Variants in ZBED4 observed in about 807,000 individuals in gnomAD.
The protein encoded by ZBED4 is zinc finger BED-type containing 4.
A neutral mutation model predicts 15.5 loss-of-function variants in ZBED4; 4 were observed. The observed-to-expected ratio is 0.26, with a 90% CI of 0.13 to 0.59. ZBED4 has a LOEUF of 0.59. ZBED4 is among the 20% of genes least tolerant of loss of function. The probability of loss-of-function intolerance (pLI) is 0.90; values close to 1 mark genes in which losing one functional copy is unlikely to be tolerated. For synonymous variants in ZBED4, 692 were observed against 608.5 expected, an observed-to-expected ratio of 1.14 and a Z score of -2.02; for missense variants, 1,323 against 1,461.8, an observed-to-expected ratio of 0.91 and a Z score of 1.55.
At chr22:49,855,004 T>A (rs1462908996) in intron 1 of ZBED4, among the ~76,000 whole-genome samples, 1 of 152,140 alleles carries the variant, frequency 6.6e-6, no homozygotes, top group Non-Finnish European at 1.5e-5. Context: ...GATTTTTTTT[T>A]AAGTGCTATG....
chr22:49,867,581 C>G (rs1276218596), intron 1 of ZBED4, among the ~76,000 whole-genome samples: 2 of 152,208 alleles, frequency 1.3e-5, no homozygotes, highest in African/African-American at 4.8e-5. Flanking sequence ...CCTGACCCTC[C>G]TCTGCTTTGC....
intron 1 of ZBED4, among the ~76,000 whole-genome samples, chr22:49,877,705 A>G (rs1417706450): frequency 6.6e-6 from 1 of 152,170 alleles, no homozygotes; most frequent in Admixed American, 6.5e-5. Context: ...AGCTGCTGTG[A>G]ACATTTGCAT....
chr22:49,883,386 C>G lies in ZBED4; in HGVS notation c.-277C>G. On this transcript the variant is annotated 5_prime_UTR_variant, in exon 2 of 2. Transcript: ENST00000216268. ...CTCAAGATGATCAGGCAGATCCTGTCCTCAGGACCAGAAGCACGTCTCTGC... is the reference window on the plus strand; with the variant it reads ...CTCAAGATGATCAGGCAGATCCTGTGCTCAGGACCAGAAGCACGTCTCTGC... 1 of 304,816 alleles carries G rather than the reference C, an allele frequency of 3.3e-6. No individual in the cohort carries two copies. Among genetic ancestry groups the G allele is most frequent in the Non-Finnish European group, 6.0e-6 (1 of 165,472 alleles). 18.9% of individuals were successfully genotyped at this position (304,816 alleles called of 1,614,324 possible).
chr22:49,854,544 C>T (rs1288359741), intron 1 of ZBED4, among the ~76,000 whole-genome samples: 1 of 152,240 alleles, frequency 6.6e-6, no homozygotes, highest in African/African-American at 2.4e-5. Flanking sequence ...ATGTAACTTG[C>T]CTTGCGAACC....
intron 1 of ZBED4, among the ~76,000 whole-genome samples, chr22:49,871,995 C>T (rs770847718): frequency 1.8e-4 from 28 of 152,076 alleles, no homozygotes; most frequent in African/African-American, 5.8e-4. Flanking sequence ...CCGCCTGCCT[C>T]GGCCTACCAA....
Position 49,887,902 on chromosome 22 carries a change from G to C in ZBED4, c.*724G>C, listed in dbSNP as rs930593354. 3 of 167,204 alleles carry C rather than the reference G, an allele frequency of 1.8e-5. No individual in the cohort carries two copies. The highest frequency in any genetic ancestry group is 7.2e-5 in the African/African-American group (3 of 41,428). The allele number at this position is 167,204 out of a possible 1,614,324, so 10.4% of individuals were successfully genotyped here. A position where few individuals can be genotyped will look rare whatever the true frequency, so the allele number is the denominator to read the frequency against. On this transcript the variant is annotated 3_prime_UTR_variant, in exon 2 of 2. Transcript: ENST00000216268. Reference sequence around the variant, plus strand: ...TCTGAAATGTGATCCCTTTGTAACTGTGCTCATCACTTCGCCAGTGCGTTC... The same window carrying C: ...TCTGAAATGTGATCCCTTTGTAACTCTGCTCATCACTTCGCCAGTGCGTTC...
chr22:49,888,595 A>C lies in ZBED4; in HGVS notation c.*1417A>C, dbSNP rs944959953. Reference sequence around the variant, plus strand: ...AGGGAAGTGGAGATGTAATTCTTACAACAACAGTTCTGATCATGGCCATGG... The same window carrying C: ...AGGGAAGTGGAGATGTAATTCTTACCACAACAGTTCTGATCATGGCCATGG... On this transcript the variant is annotated 3_prime_UTR_variant, in exon 2 of 2. Transcript: ENST00000216268. 5.4e-5 allele frequency: 9 copies of C among 167,278 alleles called. No homozygotes were observed. Among genetic ancestry groups the C allele is most frequent in the African/African-American group, 2.2e-4 (9 of 41,462 alleles). The allele number at this position is 167,278 out of a possible 1,614,324, so 10.4% of individuals were successfully genotyped here.
At chr22:49,859,453 A>G (rs5770720) in intron 1 of ZBED4, among the ~76,000 whole-genome samples, 113,311 of 151,920 alleles carry the variant, frequency 0.75, 44,821 homozygotes, top group East Asian at 0.91. Context: ...TTTTCACTCC[A>G]TACGTGGTCC....
Position 49,885,059 on chromosome 22 carries a change from C to T in ZBED4, c.1397C>T (p.Ser466Phe). The change falls in exon 2 of 2, where the codon TCC becomes TTC. Residue 466 changes from serine (S) to phenylalanine (F), a missense_variant. Around this residue, in one of 6 missense-constraint regions of ZBED4, gnomAD observed 429 missense variants for 397.9 expected, o/e 1.08. Transcript: ENST00000216268. ...RLKSEVWHHF[S>F]LAPMDSLKAE... ...AAGTCGGAGGTCTGGCATCACTTCT[C>T]CCTGGCCCCCATGGACAGCCTCAAG... 6.2e-7 allele frequency: 1 copy of T among 1,612,236 alleles called. No individual in the cohort carries two copies. Among genetic ancestry groups the T allele is most frequent in the East Asian group, 2.2e-5 (1 of 44,860 alleles).
At chr22:49,853,636 G>C (rs2060260819), upstream of ZBED4, among the ~76,000 whole-genome samples, 1 of 151,940 alleles carries the variant, frequency 6.6e-6, no homozygotes, top group Non-Finnish European at 1.5e-5. Context: ...TCCTGGACCC[G>C]GGGGCGGAGC....
At chr22:49,855,634 C>T (rs769860649) in intron 1 of ZBED4, among the ~76,000 whole-genome samples, 23 of 152,154 alleles carry the variant, frequency 1.5e-4, no homozygotes, top group Non-Finnish European at 3.1e-4. Context: ...GGGGAGTGGA[C>T]TCCTGGCGGC....
At chr22:49,858,964 G>A (rs1023811271) in intron 1 of ZBED4, among the ~76,000 whole-genome samples, 6 of 152,124 alleles carry the variant, frequency 3.9e-5, no homozygotes, top group Admixed American at 1.3e-4. Context: ...CACTGTGGGC[G>A]GAGGCTGTCC....
intron 1 of ZBED4, among the ~76,000 whole-genome samples, chr22:49,857,494 C>T (rs908750047): frequency 6.6e-6 from 1 of 152,252 alleles, no homozygotes; most frequent in African/African-American, 2.4e-5. Flanking sequence ...ACGCCCTTAC[C>T]TGGGTTCCTG....
rs139328108 is a variant in ZBED4 at position 49,873,358 on chromosome 22, A to G, written c.-329-9976A>G. 3.6e-3 allele frequency among the ~76,000 whole-genome samples: 541 copies of G among 152,268 alleles called. 4 individuals carry two copies. The highest frequency in any genetic ancestry group is 6.5e-3 in the Admixed American group (99 of 15,298). On this transcript the variant is annotated intron_variant, in intron 1 of 1. Coordinates refer to ENST00000216268, the MANE Select transcript of ZBED4 (RefSeq NM_014838.3). ...GGAAGAGGGAGGCTGGAGGAGAGGG[A>G]GAGAGACGGGGAACTGCTGGTTGAT...
intron 1 of ZBED4, among the ~76,000 whole-genome samples, chr22:49,873,684 T>C (rs990338419): frequency 1.5e-5 from 2 of 137,842 alleles, no homozygotes; most frequent in African/African-American, 6.7e-5. Context: ...CGAGGTGCGG[T>C]GATATGAGGT....
Position 49,885,640 on chromosome 22 carries a change from A to C in ZBED4, c.1978A>C (p.Ser660Arg). ...TCACCCAGTTGCCAAAAAAATCACAAGTCTCATAGCTGAAATGATTGCACT... is the reference window on the plus strand; with the variant it reads ...TCACCCAGTTGCCAAAAAAATCACACGTCTCATAGCTGAAATGATTGCACT... ...DSHPVAKKIT[S>R]LIAEMIALDL... The change falls in exon 2 of 2, where the codon AGT (serine) becomes CGT (arginine). Residue 660 changes from serine to arginine, a missense_variant. Physicochemically the swap from Ser to Arg is moderately radical, Grantham distance 110. Transcript: ENST00000216268. 6.2e-7 allele frequency: 1 copy of C among 1,612,230 alleles called. No individual in the cohort carries two copies. The highest frequency in any genetic ancestry group is 8.5e-7 in the Non-Finnish European group (1 of 1,178,536).
intron 1 of ZBED4, among the ~76,000 whole-genome samples, chr22:49,874,142 C>G (rs1423750774): frequency 6.6e-6 from 1 of 152,184 alleles, no homozygotes; most frequent in Non-Finnish European, 1.5e-5. Context: ...CGCCTCCTGC[C>G]TGGGCAGACT....
In ZBED4 at chr22:49,886,305, G is replaced by C. The variant is rs547283179; in HGVS notation, c.2643G>C (p.Gln881His). The change falls in exon 2 of 2, where the codon CAG (glutamine) becomes CAC (histidine). Residue 881 changes from glutamine to histidine, a missense_variant. By Grantham distance (24) the Gln-to-His change is conservative. Around this residue, in one of 6 missense-constraint regions of ZBED4, gnomAD observed 312 missense variants for 410.7 expected, o/e 0.76. Coordinates refer to ENST00000216268, the MANE Select transcript of ZBED4 (RefSeq NM_014838.3). This position sits in a 1 kb window ranked among gnomAD's most constrained non-coding sequence, Gnocchi z 7.7. ...AELQREYALP[Q>H]HHLIQDVPSK... The stretch of plus-strand genomic sequence containing the variant: ...TGCAGAGGGAGTACGCGCTGCCTCA[G>C]CATCACCTCATCCAGGACGTCCCGT... 6.4e-7 allele frequency: 1 copy of C among 1,553,476 alleles called. No homozygotes were observed. The highest frequency in any genetic ancestry group is 2.3e-5 in the East Asian group (1 of 44,296).
chr22:49,869,348 G>A (rs765154752), intron 1 of ZBED4, among the ~76,000 whole-genome samples: 8 of 152,178 alleles, frequency 5.3e-5, no homozygotes, highest in Middle Eastern at 3.2e-3. Context: ...CCTCGTACCC[G>A]CGTGGTGGTT....
Sources: allele counts gnomAD v4.1 joint callset (sites outside exome capture counted in the v4.1 genomes callset), GRCh38; gene constraint gnomAD v4.1.1; regional missense constraint gnomAD v4.1.1; non-coding constraint Gnocchi (gnomAD v3.1); transcripts MANE v1.5; gene names NCBI Gene and HGNC (gene_info 2026-07-23, HGNC 2026-07-21).